EZH2: variants seen among roughly 807,000 people sequenced by gnomAD.
EZH2 encodes enhancer of zeste 2 polycomb repressive complex 2 subunit.
A neutral mutation model predicts 98.4 loss-of-function variants in EZH2; 18 were observed. The observed-to-expected ratio is 0.18, with a 90% CI of 0.13 to 0.27. The LOEUF (loss-of-function observed/expected upper bound fraction) is 0.27, where lower values mean the gene tolerates loss of function less well. EZH2 is among the 10% of genes least tolerant of loss of function. EZH2 has a pLI of 1.00. For synonymous variants in EZH2, 338 were observed against 312.3 expected (o/e 1.08, Z -0.87); for missense variants, 470 against 935.1 (o/e 0.50, Z 6.49).
intron 1 of EZH2, among the ~76,000 whole-genome samples, chr7:148,869,909 G>A (rs978503671): frequency 1.3e-5 from 2 of 152,186 alleles, no homozygotes; most frequent in Non-Finnish European, 2.9e-5. Context: ...CAAGCTACTG[G>A]TGGGATGTAG....
At chr7:148,866,115 G>C (rs949254105) in intron 1 of EZH2, among the ~76,000 whole-genome samples, 1 of 152,170 alleles carries the variant, frequency 6.6e-6, no homozygotes, top group East Asian at 1.9e-4. Flanking sequence ...TGAGCAGTAA[G>C]TCTTTCCATG....
intron 12 of EZH2, among the ~76,000 whole-genome samples, chr7:148,816,012 C>CA (rs1486694009): frequency 2.0e-5 from 3 of 152,200 alleles, no homozygotes; most frequent in Non-Finnish European, 4.4e-5. Flanking sequence ...GTTGGCCCTA[C>CA]ACTTATTTTT....
intron 3 of EZH2, among the ~76,000 whole-genome samples, chr7:148,843,891 G>A (rs375785506): frequency 3.3e-5 from 5 of 151,968 alleles, no homozygotes; most frequent in African/African-American, 9.7e-5. Flanking sequence ...CACCGCGCCC[G>A]GCCAAATGGG....
In EZH2 at chr7:148,807,508, T is replaced by C. The variant is rs776815138; in HGVS notation, c.*138A>G. 4.3e-6 allele frequency: 3 copies of C among 704,620 alleles called. No individual in the cohort carries two copies. The highest frequency in any genetic ancestry group is 4.9e-6 in the Non-Finnish European group (2 of 410,476). 43.6% of individuals were successfully genotyped at this position (704,620 alleles called of 1,614,324 possible). A position where few individuals can be genotyped will look rare whatever the true frequency, so the allele number is the denominator to read the frequency against. ...AATAAAAAGTTGATTTTTAAACTCATTACTATAAATTATTCTTACAGTACT... is the reference window on the plus strand; with the variant it reads ...AATAAAAAGTTGATTTTTAAACTCACTACTATAAATTATTCTTACAGTACT... On this transcript the variant is annotated 3_prime_UTR_variant, in exon 20 of 20. Coordinates refer to ENST00000320356, the MANE Select transcript of EZH2 (RefSeq NM_004456.5).
intron 1 of EZH2, among the ~76,000 whole-genome samples, chr7:148,867,334 A>C (rs1585269029): frequency 6.6e-6 from 1 of 152,170 alleles, no homozygotes; most frequent in African/African-American, 2.4e-5. Flanking sequence ...TCTCAAAAAT[A>C]AATAAATAAA....
intron 2 of EZH2, among the ~76,000 whole-genome samples, chr7:148,846,926 T>C (rs1035074936): frequency 4.7e-5 from 7 of 150,432 alleles, no homozygotes; most frequent in African/African-American, 1.7e-4. Flanking sequence ...CATAAAATCA[T>C]GAAATGCATC....
intron 1 of EZH2, among the ~76,000 whole-genome samples, chr7:148,868,682 C>G (rs1206859780): frequency 2.0e-5 from 3 of 152,120 alleles, no homozygotes; most frequent in Non-Finnish European, 2.9e-5. Flanking sequence ...GAATCTATAG[C>G]CTCTAGGGTA....
At chr7:148,848,892 T>C (rs1184524671) in intron 1 of EZH2, among the ~76,000 whole-genome samples, 3 of 152,030 alleles carry the variant, frequency 2.0e-5, no homozygotes, top group African/African-American at 7.2e-5. Context: ...TGGTGTAATA[T>C]TTGCATATCA....
At chr7:148,815,390 A>C in intron 13 of EZH2, 116 bp downstream of exon 13, 1 of 1,109,920 alleles carries the variant, frequency 9.0e-7, no homozygotes, top group East Asian at 2.4e-5. Context: ...GGTTTAACAT[A>C]CAGAAGGCAA....
At chr7:148,854,435 C>CA (rs59202218) in intron 1 of EZH2, among the ~76,000 whole-genome samples, 20,645 of 87,184 alleles carry the variant, frequency 0.24, 1,612 homozygotes, top group Admixed American at 0.27. Context: ...GACTCCGTCT[C>CA]AAAAAAAAAA....
At position 148,828,937 on chromosome 7, in the gene EZH2, T is replaced by A; in HGVS notation, c.485-57A>T. The A allele has an allele frequency of 4.6e-6, 7 of 1,530,738 alleles. No homozygotes were observed. In the South Asian group the frequency reaches 7.3e-5, roughly 16 times the overall value. The allele number at this position is 1,530,738 out of a possible 1,614,324, so 94.8% of individuals were successfully genotyped here. ...GAGAAGCAATAATGTCAAAAGTTTA[T>A]GTATCCTTTTTCTACTTGGACAAAA... On this transcript the variant is annotated intron_variant, in intron 5 of 19. Transcript: ENST00000320356.
chr7:148,870,747 T>C (rs997299788), intron 1 of EZH2, among the ~76,000 whole-genome samples: 2 of 149,134 alleles, frequency 1.3e-5, no homozygotes, highest in African/African-American at 2.5e-5. Flanking sequence ...CAGGCCAACA[T>C]GGTGAAACCC....
intron 1 of EZH2, among the ~76,000 whole-genome samples, chr7:148,878,829 G>A (rs552926606): frequency 1.3e-5 from 2 of 152,194 alleles, no homozygotes; most frequent in African/African-American, 2.4e-5. Flanking sequence ...AGCCCAGGAG[G>A]CAGAGGTTGC....
intron 1 of EZH2, among the ~76,000 whole-genome samples, chr7:148,879,022 C>T (rs1057065082): frequency 6.6e-6 from 1 of 151,804 alleles, no homozygotes; most frequent in Non-Finnish European, 1.5e-5. Context: ...GTCAGCAGTT[C>T]GAGACTAGCT....
In EZH2 at chr7:148,818,571, C is replaced by T. The variant is rs752569512; in HGVS notation, c.1000-454G>A. On this transcript the variant is annotated intron_variant, in intron 9 of 19. Transcript: ENST00000320356. Reference sequence around the variant, plus strand: ...GAGTTTAAGATAATGCATACCTCTTCGTGTTAATATTTCAACTATACAAGA... The same window carrying T: ...GAGTTTAAGATAATGCATACCTCTTTGTGTTAATATTTCAACTATACAAGA... Among the ~76,000 whole-genome samples, 17 of 152,108 alleles carry T rather than the reference C, an allele frequency of 1.1e-4. 1 individual carries two copies. The highest frequency in any genetic ancestry group is 2.2e-4 in the Non-Finnish European group (15 of 68,020).
rs542209350 is a variant in EZH2, at chr7:148,832,066, T to C, written c.363+568A>G. ...GACTTAGATTACAGGACACTGACTT[T>C]TTTAAGGATAAGAACTATAAGCTTC... On this transcript the variant is annotated intron_variant, in intron 4 of 19. Transcript: ENST00000320356. Among the ~76,000 whole-genome samples, 228 of 152,306 alleles carry C rather than the reference T, an allele frequency of 1.5e-3. 1 individual carries two copies. The highest frequency in any genetic ancestry group is 4.9e-3 in the African/African-American group (202 of 41,568).
chr7:148,827,272 C>A lies in EZH2; in HGVS notation c.626-6G>T, dbSNP rs763364256. ...AGGTGGGCGGCTTTCTTTATCTAAA[C>A]AGGAGAATATGAAAGGAAAAAAAGA... On this transcript the variant is annotated splice_region_variant and splice_polypyrimidine_tract_variant and intron_variant, in intron 6 of 19. Transcript: ENST00000320356. 3 of 1,603,990 alleles carry A rather than the reference C, an allele frequency of 1.9e-6. No homozygotes were observed. Among genetic ancestry groups the A allele is most frequent in the Admixed American group, 3.4e-5 (2 of 59,050 alleles).
intron 1 of EZH2, among the ~76,000 whole-genome samples, chr7:148,853,552 C>T (rs1406244121): frequency 1.3e-5 from 2 of 152,208 alleles, no homozygotes; most frequent in African/African-American, 4.8e-5. Flanking sequence ...TCCTGCTGTA[C>T]AGCCCAGTTC....
intron 15 of EZH2, 57 bp from the exon 16 acceptor site, chr7:148,811,777 A>T (rs1803154577): frequency 7.1e-7 from 1 of 1,401,750 alleles, no homozygotes. Context: ...TGGACTGGGG[A>T]CAAAGTAGAC....
Sources: allele counts gnomAD v4.1 joint callset (sites outside exome capture counted in the v4.1 genomes callset), GRCh38; gene constraint gnomAD v4.1.1; transcripts MANE v1.5; gene names NCBI Gene and HGNC (gene_info 2026-07-23, HGNC 2026-07-21).